Variants in KLHL2 observed in about 807,000 individuals in gnomAD.
The protein encoded by KLHL2 is kelch like family member 2, also known as kelch-like protein 2.
Under a neutral mutation model 75.8 loss-of-function variants are expected in KLHL2, and 15 were observed. The observed-to-expected ratio is 0.20, with a 90% CI of 0.13 to 0.30. The LOEUF (loss-of-function observed/expected upper bound fraction) is 0.30. KLHL2 is among the 10% of genes least tolerant of loss of function. The pLI is 1.00. For synonymous variants in KLHL2, 214 were observed against 251.9 expected, an observed-to-expected ratio of 0.85 and a Z score of 1.42; for missense variants, 381 against 741.0, an observed-to-expected ratio of 0.51 and a Z score of 5.64.
intron 9 of KLHL2, among the ~76,000 whole-genome samples, chr4:165,307,505 C>A (rs1009202047): frequency 1.3e-5 from 2 of 152,254 alleles, no homozygotes; most frequent in East Asian, 3.9e-4. Context: ...TTCATATTTA[C>A]CATTTTTCCA....
At chr4:165,281,701 C>G (rs1248369214) in intron 5 of KLHL2, among the ~76,000 whole-genome samples, 2 of 149,316 alleles carry the variant, frequency 1.3e-5, no homozygotes, top group Non-Finnish European at 3.0e-5. Flanking sequence ...TAGAGGGAAA[C>G]AGAAAAGTTC....
chr4:165,318,095 T>C (rs752041803), intron 14 of KLHL2, 126 bp downstream of exon 14: 1 of 805,182 alleles, frequency 1.2e-6, no homozygotes, highest in Non-Finnish European at 2.0e-6. Flanking sequence ...ATCTTATTCT[T>C]AAGATGATTA....
chr4:165,245,094 G>T (rs1423241169), intron 4 of KLHL2, among the ~76,000 whole-genome samples: 1 of 152,164 alleles, frequency 6.6e-6, no homozygotes, highest in Non-Finnish European at 1.5e-5. Context: ...TGTGGTCCCA[G>T]CTACTCGTGA....
chr4:165,281,838 C>T lies in KLHL2; in HGVS notation c.545-12521C>T, dbSNP rs188620603. Among the ~76,000 whole-genome samples, 36 of 152,192 alleles carry T rather than the reference C, an allele frequency of 2.4e-4. No individual in the cohort carries two copies. In the East Asian group the frequency reaches 6.4e-3, roughly 27 times the overall value. ...ATGTGTGTGTAGTTTATGTGTTTAACGTATATAGCATATTGATGGCATAGT... is the reference window on the plus strand; with the variant it reads ...ATGTGTGTGTAGTTTATGTGTTTAATGTATATAGCATATTGATGGCATAGT... On this transcript the variant is annotated intron_variant, in intron 5 of 14. Coordinates refer to ENST00000226725, the MANE Select transcript of KLHL2 (RefSeq NM_007246.4).
At chr4:165,279,106 T>C (rs761701900) in intron 5 of KLHL2, 7 of 1,589,042 alleles carry the variant, frequency 4.4e-6, no homozygotes, top group Non-Finnish European at 6.0e-6. Context: ...AAATAAGCCA[T>C]GAATCAATAG....
chr4:165,274,080 T>C (rs1479405515), intron 5 of KLHL2, among the ~76,000 whole-genome samples: 2 of 152,134 alleles, frequency 1.3e-5, no homozygotes, highest in Non-Finnish European at 2.9e-5. Flanking sequence ...TCTTTTTCTT[T>C]TTCTTTTTCT....
At chr4:165,248,230 A>G (rs1190253895) in intron 4 of KLHL2, among the ~76,000 whole-genome samples, 1 of 152,188 alleles carries the variant, frequency 6.6e-6, no homozygotes, top group Non-Finnish European at 1.5e-5. Flanking sequence ...GAGATGTTCT[A>G]TTTGGATGTT....
At chr4:165,246,436 G>A (rs898891275) in intron 4 of KLHL2, among the ~76,000 whole-genome samples, 12 of 151,972 alleles carry the variant, frequency 7.9e-5, no homozygotes, top group Admixed American at 1.3e-4. Flanking sequence ...CTGGAGGATG[G>A]ACTGTGGGGG....
In KLHL2 at chr4:165,239,095, A is replaced by G. The variant is rs541598817; in HGVS notation, c.381+196A>G. ...TTCAGTATCTTTTATATTCCTTAAGATCTGAGATACAAATCCTTTAGTTCT... is the reference window on the plus strand; with the variant it reads ...TTCAGTATCTTTTATATTCCTTAAGGTCTGAGATACAAATCCTTTAGTTCT... On this transcript the variant is annotated intron_variant, in intron 4 of 14. Coordinates refer to ENST00000226725, the MANE Select transcript of KLHL2 (RefSeq NM_007246.4). 8.5e-4 allele frequency among the ~76,000 whole-genome samples: 130 copies of G among 152,274 alleles called. 1 individual carries two copies. The highest frequency in any genetic ancestry group is 2.7e-3 in the African/African-American group (114 of 41,556).
Position 165,207,727 on chromosome 4 carries a change from C to T in KLHL2, c.-150C>T. 2.6e-6 allele frequency: 1 copy of T among 385,026 alleles called. No individual in the cohort carries two copies. Among genetic ancestry groups the T allele is most frequent in the Non-Finnish European group, 4.0e-6 (1 of 252,036 alleles). 23.9% of individuals were successfully genotyped at this position (385,026 alleles called of 1,614,324 possible). A position where few individuals can be genotyped will look rare whatever the true frequency, so the allele number is the denominator to read the frequency against. Reference sequence around the variant, plus strand: ...GCCATGGCCGCGGGGGCCGCCGCCGCAGGTGGTGGCGCGCGGTGAGGAGAG... The same window carrying T: ...GCCATGGCCGCGGGGGCCGCCGCCGTAGGTGGTGGCGCGCGGTGAGGAGAG... On this transcript the variant is annotated 5_prime_UTR_variant, in exon 1 of 15. Transcript: ENST00000226725. This position sits in a 1 kb window ranked among gnomAD's most constrained non-coding sequence, Gnocchi z 4.2.
chr4:165,262,071 G>C (rs1390207922), intron 4 of KLHL2, among the ~76,000 whole-genome samples: 2 of 151,854 alleles, frequency 1.3e-5, no homozygotes, highest in Non-Finnish European at 2.9e-5. Flanking sequence ...TTCAAATATG[G>C]TCCTTTATAT....
intron 3 of KLHL2, among the ~76,000 whole-genome samples, chr4:165,237,739 T>G (rs1164415718): frequency 6.6e-6 from 1 of 152,192 alleles, no homozygotes; most frequent in Non-Finnish European, 1.5e-5. Flanking sequence ...TAGTGGCACG[T>G]TCTCATGCTT....
Position 165,230,404 on chromosome 4 carries a change from A to G in KLHL2, c.259+1491A>G, listed in dbSNP as rs1304591909. ...TACCCACATCCTAGAGTTTTTGTAA[A>G]GATTAAATGAGATCATATGTGTGAA... On this transcript the variant is annotated intron_variant, in intron 3 of 14. Coordinates refer to ENST00000226725, the MANE Select transcript of KLHL2 (RefSeq NM_007246.4). Among the ~76,000 whole-genome samples, 6 of 152,336 alleles carry G rather than the reference A, an allele frequency of 3.9e-5. No individual in the cohort carries two copies. In the East Asian group the frequency reaches 1.2e-3, roughly 29 times the overall value.
At chr4:165,298,805 C>T (rs1023200965) in intron 7 of KLHL2, among the ~76,000 whole-genome samples, 1 of 152,042 alleles carries the variant, frequency 6.6e-6, no homozygotes, top group African/African-American at 2.4e-5. Flanking sequence ...GACATGGTGG[C>T]AGGTGCCTGT....
rs539392931 is a variant in KLHL2, at chr4:165,281,562, G to A, written c.545-12797G>A. Among the ~76,000 whole-genome samples the A allele has an allele frequency of 2.7e-4, 41 of 152,202 alleles. No individual in the cohort carries two copies. The South Asian group carries it at 6.6e-3, about 25-fold the overall frequency. ...GATCTCCTGACCTCGTGATCCACCC[G>A]CCTCAGCCTCCCAAAGTGCTAGGAT... On this transcript the variant is annotated intron_variant, in intron 5 of 14. Coordinates refer to ENST00000226725, the MANE Select transcript of KLHL2 (RefSeq NM_007246.4).
chr4:165,255,503 GAAGAA>G (rs1291476763), intron 4 of KLHL2, among the ~76,000 whole-genome samples: 1 of 152,090 alleles, frequency 6.6e-6, no homozygotes, highest in East Asian at 1.9e-4. Context: ...AAAGGAGGAG[GAAGAA>G]AGTTTCCTTC....
At chr4:165,212,732 T>C (rs1737277497) in intron 1 of KLHL2, among the ~76,000 whole-genome samples, 1 of 152,228 alleles carries the variant, frequency 6.6e-6, no homozygotes, top group Admixed American at 6.5e-5. Context: ...CTCAAGCTTA[T>C]CAAGTATTAG....
At chr4:165,209,958 C>T in intron 1 of KLHL2, 2 of 1,421,492 alleles carry the variant, frequency 1.4e-6, no homozygotes, top group Admixed American at 2.7e-5. Flanking sequence ...CACCATGGAT[C>T]CCGTGTGCCG....
At chr4:165,288,178 G>A (rs28495546) in intron 5 of KLHL2, among the ~76,000 whole-genome samples, 2 of 151,998 alleles carry the variant, frequency 1.3e-5, no homozygotes, top group Non-Finnish European at 2.9e-5. Context: ...TAATTTTTGT[G>A]TATGGCGTAT....
Sources: allele counts gnomAD v4.1 joint callset (sites outside exome capture counted in the v4.1 genomes callset), GRCh38; gene constraint gnomAD v4.1.1; non-coding constraint Gnocchi (gnomAD v3.1); transcripts MANE v1.5; gene names NCBI Gene and HGNC (gene_info 2026-07-23, HGNC 2026-07-21).